RGS12: variants seen among roughly 807,000 people sequenced by gnomAD.
RGS12 encodes the protein regulator of G-protein signaling 12.
A neutral mutation model predicts 120.1 loss-of-function variants in RGS12; 66 were observed. The observed-to-expected ratio is 0.55, with a 90% CI of 0.45 to 0.67. RGS12 has a LOEUF of 0.67. Ranked by LOEUF, RGS12 falls within the 30% of genes least tolerant of loss-of-function variation. The pLI is 0.00. For synonymous variants in RGS12, 827 were observed against 804.7 expected, an observed-to-expected ratio of 1.03 and a Z score of -0.47; for missense variants, 1,859 against 1,957.7, an observed-to-expected ratio of 0.95 and a Z score of 0.95.
At chr4:3,305,837 T>G (rs1176671651) in intron 1 of RGS12, among the ~76,000 whole-genome samples, 1 of 152,268 alleles carries the variant, frequency 6.6e-6, no homozygotes, top group Non-Finnish European at 1.5e-5. Context: ...GACTCATGCT[T>G]TCCTTTGTTT....
chr4:3,363,317 A>G (rs767468606), intron 3 of RGS12, among the ~76,000 whole-genome samples: 1 of 152,112 alleles, frequency 6.6e-6, no homozygotes, highest in Non-Finnish European at 1.5e-5. Context: ...ATAATTTTCT[A>G]TTGTTTCCGT....
chr4:3,385,421 C>T (rs16844249), intron 3 of RGS12: 18,720 of 153,802 alleles, frequency 0.12, 1,201 homozygotes, highest in Middle Eastern at 0.15. Context: ...ATCCGTGTCC[C>T]CTGGTGAGCC....
At chr4:3,310,116 G>T (rs1724285211) in intron 1 of RGS12, among the ~76,000 whole-genome samples, 1 of 142,112 alleles carries the variant, frequency 7.0e-6, no homozygotes, top group African/African-American at 2.8e-5. Flanking sequence ...GAGGAGAGCT[G>T]AGCAGGAGAG....
chr4:3,380,332 G>A (rs1294953801), intron 3 of RGS12, among the ~76,000 whole-genome samples: 1 of 152,234 alleles, frequency 6.6e-6, no homozygotes, highest in Non-Finnish European at 1.5e-5. Flanking sequence ...TCACGGGTTG[G>A]CATTGAGCGT....
intron 3 of RGS12, among the ~76,000 whole-genome samples, chr4:3,383,209 C>T (rs1042181608): frequency 1.2e-4 from 18 of 152,270 alleles, no homozygotes; most frequent in South Asian, 6.2e-4. Context: ...GCGGGCTACC[C>T]GGCCCTAGTG....
Position 3,317,531 on chromosome 4 carries a change from G to A in RGS12, c.1361G>A (p.Gly454Asp), listed in dbSNP as rs1464245908. Reference sequence around the variant, plus strand: ...AGCTCGAGCAGACACGGCCCCGGAGGCAGCGCGTGGGACGGTGTGGGTGGG... The same window carrying A: ...AGCTCGAGCAGACACGGCCCCGGAGACAGCGCGTGGGACGGTGTGGGTGGG... ...GGSSSRHGPG[G>D]SAWDGVGGRG... Residue 454 changes from glycine to aspartate, a missense_variant, in exon 2 of 18, where the codon GGC becomes GAC. Physicochemically the swap from Gly to Asp is moderately conservative, Grantham distance 94 (BLOSUM62 -1). Transcript: ENST00000336727. 1.2e-6 allele frequency: 2 copies of A among 1,611,252 alleles called. No homozygotes were observed. Among genetic ancestry groups the A allele is most frequent in the African/African-American group, 1.3e-5 (1 of 75,068 alleles).
intron 1 of RGS12, among the ~76,000 whole-genome samples, chr4:3,299,218 T>C (rs1723543583): frequency 6.6e-6 from 1 of 152,026 alleles, no homozygotes; most frequent in Non-Finnish European, 1.5e-5. Context: ...CATGGATGGC[T>C]CACCACTGGC....
chr4:3,325,526 G>A (rs1406372365), intron 2 of RGS12, among the ~76,000 whole-genome samples: 1 of 152,156 alleles, frequency 6.6e-6, no homozygotes, highest in Admixed American at 6.5e-5. Flanking sequence ...TGAATAACGA[G>A]CAGTGAGATT....
At chr4:3,309,540 G>A (rs1318989852) in intron 1 of RGS12, among the ~76,000 whole-genome samples, 3 of 138,760 alleles carry the variant, frequency 2.2e-5, no homozygotes, top group African/African-American at 8.6e-5. Context: ...AGCTGAGCAG[G>A]AGAGGAGCTG....
At chr4:3,295,660 CAAAAAA>C (rs35692556) in intron 1 of RGS12, among the ~76,000 whole-genome samples, 1 of 58,170 alleles carries the variant, frequency 1.7e-5, no homozygotes, top group South Asian at 6.1e-4. Flanking sequence ...AACTCTGTCT[CAAAAAA>C]AAAAAAAAAA....
upstream of RGS12, among the ~76,000 whole-genome samples, chr4:3,289,359 C>T (rs769099361): frequency 2.2e-4 from 34 of 152,022 alleles, no homozygotes; most frequent in Non-Finnish European, 4.7e-4. Context: ...CGCACCACCA[C>T]GCCCAGCTAA....
At chr4:3,428,826 T>C (rs986162024) in intron 16 of RGS12, 115 bp downstream of exon 16, 1 of 904,604 alleles carries the variant, frequency 1.1e-6, no homozygotes, top group African/African-American at 1.7e-5. Context: ...TCCGTCCCTG[T>C]GGCCTGGAAG....
At chr4:3,431,382 C>T (rs1724285757) in intron 17 of RGS12, 24 of 1,027,438 alleles carry the variant, frequency 2.3e-5, no homozygotes, top group Middle Eastern at 4.7e-4. Flanking sequence ...AAGTGAAGCC[C>T]GCTGTGTTCA....
At chr4:3,332,620 T>C (rs1042899088) in intron 2 of RGS12, among the ~76,000 whole-genome samples, 1 of 152,232 alleles carries the variant, frequency 6.6e-6, no homozygotes, top group Non-Finnish European at 1.5e-5. Flanking sequence ...GTTTCCTCTC[T>C]GTTGAGGCGC....
chr4:3,439,428 T>A (rs760016434), intron 17 of RGS12, 27 bp from the exon 18 acceptor site: 18 of 1,611,768 alleles, frequency 1.1e-5, no homozygotes, highest in Middle Eastern at 1.6e-4. Flanking sequence ...GCCAGGCAAG[T>A]GACAGCTTCT....
intron 3 of RGS12, among the ~76,000 whole-genome samples, chr4:3,363,106 T>C (rs1336587029): frequency 6.7e-6 from 1 of 149,754 alleles, no homozygotes; most frequent in African/African-American, 2.5e-5. Context: ...TATGTGAGTG[T>C]GTGTGTGAGA....
intron 3 of RGS12, among the ~76,000 whole-genome samples, chr4:3,363,996 C>T (rs1003941958): frequency 6.6e-6 from 1 of 152,174 alleles, no homozygotes; most frequent in Non-Finnish European, 1.5e-5. Flanking sequence ...GTCTGGGACT[C>T]TGCTCAGTCA....
chr4:3,305,650 G>C (rs1479244748), intron 1 of RGS12, among the ~76,000 whole-genome samples: 2 of 152,192 alleles, frequency 1.3e-5, no homozygotes, highest in Non-Finnish European at 2.9e-5. Flanking sequence ...CCTCAGATGT[G>C]CCTCACTTCC....
At chr4:3,401,818 T>C (rs1720619365) in intron 4 of RGS12, among the ~76,000 whole-genome samples, 1 of 152,272 alleles carries the variant, frequency 6.6e-6, no homozygotes, top group Admixed American at 6.5e-5. Flanking sequence ...ATGCTCACCT[T>C]AAACTTGCCC....
Sources: allele counts gnomAD v4.1 joint callset (sites outside exome capture counted in the v4.1 genomes callset), GRCh38; gene constraint gnomAD v4.1.1; transcripts MANE v1.5; gene names NCBI Gene and HGNC (gene_info 2026-07-23, HGNC 2026-07-21).